USP6: variants seen among roughly 807,000 people sequenced by gnomAD.
The protein encoded by USP6 is ubiquitin specific peptidase 6.
In USP6, 128 loss-of-function variants were observed where a neutral mutation model predicts 175.7. The ratio of observed to expected loss-of-function variants is 0.73; its 90% CI spans 0.63 to 0.84. The LOEUF (loss-of-function observed/expected upper bound fraction) is 0.84, where lower values mean the gene tolerates loss of function less well. Among genes scored for constraint, USP6 ranks in the 40% least tolerant of loss-of-function variants. USP6 has a pLI of 0.00. For synonymous variants in USP6, 562 were observed against 630.6 expected, an observed-to-expected ratio of 0.89 and a Z score of 1.63; for missense variants, 1,498 against 1,760.3, an observed-to-expected ratio of 0.85 and a Z score of 2.67.
chr17:5,170,720 A>T lies in USP6; in HGVS notation c.3759A>T (p.Gln1253His), dbSNP rs1295229551. 1.9e-6 allele frequency: 3 copies of T among 1,613,874 alleles called. No homozygotes were observed. The highest frequency in any genetic ancestry group is 1.7e-5 in the Admixed American group (1 of 59,988). ...LSRGHMRGGS[Q>H]PELVTPQDHE... The stretch of plus-strand genomic sequence containing the variant: ...GAGGGCATATGCGGGGGGGCAGCCA[A>T]CCAGAGCTGGTCACTCCTCAGGACC... Residue 1253 changes from glutamine to histidine, a missense_variant, in exon 36 of 38, where the codon CAA (glutamine) becomes CAT (histidine). Coordinates refer to ENST00000574788, the MANE Select transcript of USP6 (RefSeq NM_001304284.2).
intron 36 of USP6, 25 bp from the exon 37 acceptor site, chr17:5,171,562 A>C (rs376251546): frequency 1.1e-5 from 18 of 1,610,024 alleles, no homozygotes; most frequent in South Asian, 1.1e-4. Flanking sequence ...CTACTAACAT[A>C]CCTCCACTCT....
chr17:5,172,340 G>A (rs1441879809), intron 37 of USP6, among the ~76,000 whole-genome samples: 1 of 151,848 alleles, frequency 6.6e-6, no homozygotes, highest in Non-Finnish European at 1.5e-5. Flanking sequence ...GGCCATCCTG[G>A]CTAATATGGT....
chr17:5,153,515 A>T (rs1249485039), intron 30 of USP6, among the ~76,000 whole-genome samples: 1 of 151,976 alleles, frequency 6.6e-6, no homozygotes. Flanking sequence ...TGAACTCCCG[A>T]CCTCAGGTGA....
At chr17:5,161,155 G>A (rs1002295018) in intron 31 of USP6, among the ~76,000 whole-genome samples, 8 of 152,248 alleles carry the variant, frequency 5.3e-5, no homozygotes, top group African/African-American at 1.7e-4. Flanking sequence ...CAATGTGTCA[G>A]TGTTCTTGTC....
chr17:5,171,962 G>A (rs1423191933), intron 37 of USP6, among the ~76,000 whole-genome samples: 1 of 151,918 alleles, frequency 6.6e-6, no homozygotes, highest in Non-Finnish European at 1.5e-5. Context: ...ATCACTTGAT[G>A]TCAGGAGTTC....
At chr17:5,120,930 G>A (rs1281254881) in intron 3 of USP6, 142 bp downstream of exon 3, 6 of 454,390 alleles carry the variant, frequency 1.3e-5, no homozygotes, top group Non-Finnish European at 2.2e-5. Flanking sequence ...TCATGATTTC[G>A]ATGTAAAATG....
intron 34 of USP6, among the ~76,000 whole-genome samples, chr17:5,168,377 C>T (rs544094641): frequency 4.6e-5 from 7 of 152,326 alleles, no homozygotes; most frequent in African/African-American, 7.2e-5. Context: ...CAATTCAGTG[C>T]GATGTGAGAA....
At position 5,163,008 on chromosome 17, in the gene USP6, A is replaced by G; in HGVS notation, c.3036+4A>G. The G allele has an allele frequency of 6.4e-7, 1 of 1,565,880 alleles. No homozygotes were observed. The highest frequency in any genetic ancestry group is 1.2e-5 in the South Asian group (1 of 81,892). On this transcript the variant is annotated splice_donor_region_variant and intron_variant, in intron 33 of 37. Transcript: ENST00000574788. ...CTATCAAACATCCCAGGAAAGGGTA[A>G]GAATTTAGGGCCACCGTAAAATGGT... is the stretch of plus-strand genomic sequence containing the variant.
At chr17:5,120,811 GTGTGCACACA>G (rs371951475) in intron 3 of USP6, 23 bp downstream of exon 3, 9 of 452,420 alleles carry the variant, frequency 2.0e-5, no homozygotes, top group African/African-American at 2.0e-5. Flanking sequence ...ATGTAAGCAG[GTGTGCACACA>G]TGTGGGCACA....
At chr17:5,171,136 C>T (rs2074208919) in intron 36 of USP6, among the ~76,000 whole-genome samples, 1 of 151,992 alleles carries the variant, frequency 6.6e-6, no homozygotes, top group Admixed American at 6.6e-5. Flanking sequence ...ATCGCTTGAG[C>T]CCAGGAGTTT....
intron 15 of USP6, chr17:5,134,603 A>T (rs1009600036): frequency 1.7e-5 from 3 of 174,450 alleles, no homozygotes; most frequent in Non-Finnish European, 3.7e-5. Flanking sequence ...ATGGCCTTCA[A>T]CACGGGAATG....
Position 5,168,805 on chromosome 17 carries a change from G to A in USP6, c.3267G>A (p.Gln1089=), listed in dbSNP as rs537027713. The change falls in exon 35 of 38, where the codon CAG becomes CAA. Residue 1089 remains glutamine (Q), a synonymous_variant. Coordinates refer to ENST00000574788, the MANE Select transcript of USP6 (RefSeq NM_001304284.2). Reference sequence around the variant, plus strand: ...AGCGATTTCAATTTGTAAATGATCAGTGGATAAAATCACAGAAAATTGTCA... The same window carrying A: ...AGCGATTTCAATTTGTAAATGATCAATGGATAAAATCACAGAAAATTGTCA... The part of the protein sequence containing the change: ...HLKRFQFVND[Q]WIKSQKIVRF... The A allele has an allele frequency of 6.8e-6, 11 of 1,607,480 alleles. No homozygotes were observed. The South Asian group carries it at 1.1e-4, about 16-fold the overall frequency.
intron 33 of USP6, among the ~76,000 whole-genome samples, chr17:5,166,807 TC>T (rs2074105310): frequency 6.6e-6 from 1 of 151,804 alleles, no homozygotes; most frequent in South Asian, 2.1e-4. Context: ...TCTAGATCCT[TC>T]CTTCTCTCCT....
Position 5,173,882 on chromosome 17 carries a change from C to G in USP6, c.*904C>G. On this transcript the variant is annotated 3_prime_UTR_variant, in exon 38 of 38. Transcript: ENST00000574788. ...AAGGTAAGCGGCATCGGAGCTAGAT[C>G]ACGTTTCACAATTAGTGGTTATTCT... The G allele has an allele frequency of 4.5e-6, 1 of 222,930 alleles. No homozygotes were observed. Among genetic ancestry groups the G allele is most frequent in the Non-Finnish European group, 9.0e-6 (1 of 111,256 alleles). The allele number at this position is 222,930 out of a possible 1,614,324, so 13.8% of individuals were successfully genotyped here.
intron 30 of USP6, among the ~76,000 whole-genome samples, chr17:5,149,836 T>C (rs2073715718): frequency 6.6e-6 from 1 of 152,118 alleles, no homozygotes; most frequent in Admixed American, 6.5e-5. Context: ...GTTTGAAAAC[T>C]GTGGTCAGTG....
chr17:5,137,090 G>A, intron 18 of USP6, 31 bp from the exon 19 acceptor site: 10 of 1,611,798 alleles, frequency 6.2e-6, no homozygotes, highest in Non-Finnish European at 7.6e-6. Context: ...GCAGCCCAGG[G>A]GGCCCTGAGC....
rs747853738 is a variant in USP6, at chr17:5,139,503, C to CA, written c.1328dup (p.Ser445PhefsTer28). ...CCTGGCCCTGGCTCAGGGAGGACCT[C>CA]AGGGTTCCTGGAGATTCCTGGAGTG... is the stretch of plus-strand genomic sequence containing the variant. On this transcript the variant is annotated frameshift_variant, in exon 22 of 38. Transcript: ENST00000574788. LOFTEE classifies it high-confidence loss of function. 3 of 1,613,502 alleles carry CA rather than the reference C, an allele frequency of 1.9e-6. No individual in the cohort carries two copies. The South Asian group carries it at 3.3e-5, about 18-fold the overall frequency.
At chr17:5,149,505 T>C (rs536182719) in intron 30 of USP6, among the ~76,000 whole-genome samples, 7 of 152,234 alleles carry the variant, frequency 4.6e-5, no homozygotes, top group African/African-American at 1.7e-4. Flanking sequence ...TATGCTATGA[T>C]GCTCACACCT....
At position 5,132,395 on chromosome 17, in the gene USP6, G is replaced by A; in HGVS notation, c.156-1G>A. 1 of 1,612,234 alleles carries A rather than the reference G, an allele frequency of 6.2e-7. No homozygotes were observed. The highest frequency in any genetic ancestry group is 2.2e-4 in the Middle Eastern group (1 of 4,606). ...TCAGCTCTGCCTGGGTTGCCTTACA[G>A]TGAGACGGAGCTGCCTCCTGTGACT... On this transcript the variant is annotated splice_acceptor_variant, in intron 11 of 37. Transcript: ENST00000574788. LOFTEE classifies it high-confidence loss of function. This position sits in a 1 kb window ranked among gnomAD's most constrained non-coding sequence, Gnocchi z 4.7.
Sources: allele counts gnomAD v4.1 joint callset (sites outside exome capture counted in the v4.1 genomes callset), GRCh38; gene constraint gnomAD v4.1.1; non-coding constraint Gnocchi (gnomAD v3.1); transcripts MANE v1.5; gene names NCBI Gene and HGNC (gene_info 2026-07-23, HGNC 2026-07-21).